PPFIA2: variants seen among roughly 807,000 people sequenced by gnomAD.
PPFIA2 encodes the protein PPFI scaffold protein A2, also known as liprin-alpha-2.
A neutral mutation model predicts 175.5 loss-of-function variants in PPFIA2; 46 were observed. The ratio of observed to expected loss-of-function variants is 0.26; its 90% CI spans 0.21 to 0.34. The LOEUF is 0.34. PPFIA2 is among the 10% of genes least tolerant of loss of function. The pLI, the probability that PPFIA2 is intolerant of heterozygous loss-of-function variation, is 1.00. For synonymous variants in PPFIA2, 568 were observed against 511.4 expected (o/e 1.11, Z -1.49); for missense variants, 1,179 against 1,506.1 (o/e 0.78, Z 3.60).
chr12:81,618,526 CTTTTTTTTTT>C (rs71098155), intron 4 of PPFIA2, among the ~76,000 whole-genome samples: 2 of 114,698 alleles, frequency 1.7e-5, no homozygotes, highest in Admixed American at 1.8e-4. Context: ...ACCCATGGCA[CTTTTTTTTTT>C]TTTTTTTTTT....
At chr12:81,466,753 G>T (rs1369720171) in intron 4 of PPFIA2, among the ~76,000 whole-genome samples, 1 of 151,810 alleles carries the variant, frequency 6.6e-6, no homozygotes, top group Non-Finnish European at 1.5e-5. Context: ...TGGAGGCAAG[G>T]TAGGGTTTTC....
intron 9 of PPFIA2, among the ~76,000 whole-genome samples, chr12:81,377,507 C>T (rs1047890998): frequency 7.3e-5 from 11 of 151,236 alleles, no homozygotes; most frequent in Non-Finnish European, 1.0e-4. Flanking sequence ...GAGCCGAGAT[C>T]GCACCACTGC....
chr12:81,339,255 G>C lies in PPFIA2; in HGVS notation c.2473C>G (p.Pro825Ala), dbSNP rs767724371. 3.1e-6 allele frequency: 5 copies of C among 1,610,578 alleles called. No homozygotes were observed. Among genetic ancestry groups the C allele is most frequent in the Non-Finnish European group, 1.7e-6 (2 of 1,178,270 alleles). The change falls in exon 21 of 33, where the codon CCC becomes GCC. Residue 825 changes from proline (P) to alanine (A), a missense_variant. This residue lies in a region of PPFIA2 where 223 missense variants were observed against 241.6 expected (regional missense o/e 0.92). Coordinates refer to ENST00000549396, the MANE Select transcript of PPFIA2 (RefSeq NM_003625.5). ...NSSQDSLHKA[P>A]KKKGIKSSIG... ...GAAGACTTGATTCCTTTCTTCTTGG[G>C]GGCTTTGTGAAGAGAGTCTTGGCTG...
intron 4 of PPFIA2, among the ~76,000 whole-genome samples, chr12:81,553,366 G>T (rs2068272313): frequency 6.6e-6 from 1 of 152,014 alleles, no homozygotes; most frequent in African/African-American, 2.4e-5. Flanking sequence ...ATGGATACCA[G>T]AAAATATCCT....
chr12:81,718,209 G>A (rs1257378994), intron 3 of PPFIA2, among the ~76,000 whole-genome samples: 1 of 151,652 alleles, frequency 6.6e-6, no homozygotes, highest in Non-Finnish European at 1.5e-5. Context: ...GACAGAGAAA[G>A]ATATAGGTAG....
intron 4 of PPFIA2, among the ~76,000 whole-genome samples, chr12:81,642,633 C>CTATTATATACATACACGTATGTATA (rs2065137212): frequency 4.9e-5 from 1 of 20,228 alleles, no homozygotes; most frequent in Non-Finnish European, 9.9e-5. Flanking sequence ...TACTATATAT[C>CTATTATATACATACACGTATGTATA]TATTATATAC....
At chr12:81,329,321 G>T (rs2055580221) in intron 21 of PPFIA2, among the ~76,000 whole-genome samples, 9 of 152,088 alleles carry the variant, frequency 5.9e-5, no homozygotes, top group Admixed American at 5.9e-4. Flanking sequence ...ACCTTGTCAG[G>T]GTCCGCCTAG....
At chr12:81,578,260 C>T (rs969416725) in intron 4 of PPFIA2, among the ~76,000 whole-genome samples, 4 of 151,528 alleles carry the variant, frequency 2.6e-5, no homozygotes, top group African/African-American at 9.7e-5. Context: ...ACAAGGTGAC[C>T]TCTAATTTAA....
chr12:81,614,935 A>G (rs961975557), intron 4 of PPFIA2, among the ~76,000 whole-genome samples: 8 of 152,214 alleles, frequency 5.3e-5, no homozygotes, highest in Non-Finnish European at 8.8e-5. Context: ...GGAAAGTCAC[A>G]TCCTTTGAAA....
chr12:81,743,541 T>C (rs1411217677), intron 3 of PPFIA2, among the ~76,000 whole-genome samples: 1 of 146,126 alleles, frequency 6.8e-6, no homozygotes, highest in East Asian at 2.0e-4. Flanking sequence ...AAGAGAAATG[T>C]AGGTACATAT....
At chr12:81,405,599 ATATG>A (rs1486438921) in intron 8 of PPFIA2, among the ~76,000 whole-genome samples, 184 bp downstream of exon 8, 15 of 152,118 alleles carry the variant, frequency 9.9e-5, no homozygotes, top group African/African-American at 3.6e-4. Flanking sequence ...ACATATACAC[ATATG>A]TATTATATTT....
intron 24 of PPFIA2, among the ~76,000 whole-genome samples, chr12:81,293,279 G>C (rs1324371066): frequency 1.3e-5 from 2 of 151,840 alleles, no homozygotes; most frequent in Non-Finnish European, 2.9e-5. Flanking sequence ...TACTATTTGG[G>C]AGTTTTTGGG....
intron 4 of PPFIA2, among the ~76,000 whole-genome samples, chr12:81,583,646 A>T (rs1380728491): frequency 2.6e-5 from 4 of 151,944 alleles, no homozygotes; most frequent in African/African-American, 7.2e-5. Flanking sequence ...TAGCTGATGG[A>T]GTATTCTTCA....
rs75011257 is a variant in PPFIA2, at chr12:81,674,550, C to T, written c.303+2241G>A. ...GGGCATGCTGGCGCATGCCTGTGAT[C>T]TCAGCTACTCGCTAGGCTGAAGCAG... On this transcript the variant is annotated intron_variant, in intron 4 of 32. Transcript: ENST00000549396. 8.3e-3 allele frequency among the ~76,000 whole-genome samples: 1,257 copies of T among 152,108 alleles called. 90 individuals are homozygous for T. In the East Asian group the frequency reaches 0.2, roughly 24 times the overall value.
chr12:81,334,491 A>C (rs201406385), intron 21 of PPFIA2, among the ~76,000 whole-genome samples: 3 of 61,798 alleles, frequency 4.9e-5, no homozygotes, highest in Admixed American at 1.8e-4. Context: ...CCCTCCACCA[A>C]AAAAAAAAAA....
intron 4 of PPFIA2, among the ~76,000 whole-genome samples, chr12:81,637,318 G>A (rs942806060): frequency 2.4e-5 from 3 of 126,280 alleles, no homozygotes; most frequent in Non-Finnish European, 4.7e-5. Flanking sequence ...TGGTCAGGCT[G>A]GTCCCGAACT....
intron 7 of PPFIA2, among the ~76,000 whole-genome samples, chr12:81,416,485 A>G (rs1459646199): frequency 1.3e-5 from 2 of 151,640 alleles, no homozygotes; most frequent in Non-Finnish European, 3.0e-5. Context: ...AAAATATGGT[A>G]AAATCTCCAT....
rs2053850292 is a variant in PPFIA2, at chr12:81,457,836, C to A, written c.334G>T (p.Ala112Ser). 6.2e-7 allele frequency: 1 copy of A among 1,607,272 alleles called. No individual in the cohort carries two copies. Among genetic ancestry groups the A allele is most frequent in the South Asian group, 1.1e-5 (1 of 89,292 alleles). Residue 112 changes from alanine to serine, a missense_variant, in exon 5 of 33, where the codon GCC (alanine) becomes TCC (serine). By Grantham distance (99) the Ala-to-Ser change is moderately conservative (BLOSUM62 1). This residue lies in a region of PPFIA2 where 128 missense variants were observed against 141.4 expected (regional missense o/e 0.91). Coordinates refer to ENST00000549396, the MANE Select transcript of PPFIA2 (RefSeq NM_003625.5). ...TTTTCTAGAAGTTGTTCCCTGCAGG[C>A]ATTTAATTCTTTTGTCAGTGCAGCA... is the stretch of plus-strand genomic sequence containing the variant. ...EFAALTKELNACREQLLEKEE... is the reference protein window; with the variant it reads ...EFAALTKELNSCREQLLEKEE...
At chr12:81,436,347 A>G (rs2049025737) in intron 7 of PPFIA2, among the ~76,000 whole-genome samples, 1 of 145,452 alleles carries the variant, frequency 6.9e-6, no homozygotes, top group Non-Finnish European at 1.5e-5. Context: ...CTGATGCATC[A>G]GATAAACGTT....
Sources: gnomAD v4.1 joint callset for allele counts (sites outside exome capture counted in the v4.1 genomes callset) on GRCh38, gnomAD v4.1.1 for gene constraint, gnomAD v4.1.1 regional missense constraint, MANE v1.5 for transcripts, NCBI Gene and HGNC (gene_info 2026-07-23, HGNC 2026-07-21) for gene names.